The following TRPM2 variants were observed in gnomAD, a reference collection of about 807,000 sequenced individuals.
TRPM2 encodes transient receptor potential cation channel subfamily M member 2, also known as estrogen-responsive element-associated gene 1 protein.
Under a neutral mutation model 174.0 loss-of-function variants are expected in TRPM2, and 161 were observed. The observed-to-expected ratio is 0.93, with a 90% confidence interval of 0.81 to 1.05. The LOEUF (loss-of-function observed/expected upper bound fraction) is 1.05, where lower values mean the gene tolerates loss of function less well. Among genes scored for constraint, TRPM2 ranks in the 50% least tolerant of loss-of-function variants. The probability of loss-of-function intolerance (pLI) is 0.00; values close to 1 mark genes in which losing one functional copy is unlikely to be tolerated. For synonymous variants in TRPM2, 954 were observed against 861.3 expected (o/e 1.11, Z -1.88); for missense variants, 2,057 against 2,038.0 (o/e 1.01, Z -0.18).
At chr21:44,397,985 C>T (rs1217232467) in intron 13 of TRPM2, 109 bp downstream of exon 13, 14 of 1,312,654 alleles carry the variant, frequency 1.1e-5, no homozygotes, top group South Asian at 9.7e-5. Flanking sequence ...CTGGGGTCCT[C>T]GTCCCTGGGC....
rs2050199443 is a variant in TRPM2 at position 44,414,177 on chromosome 21, T to C, written c.3146+103T>C. 2.1e-6 allele frequency: 3 copies of C among 1,431,044 alleles called. No homozygotes were observed. In the East Asian group the frequency reaches 6.9e-5, roughly 33 times the overall value. The allele number at this position is 1,431,044 out of a possible 1,614,324, so 88.6% of individuals were successfully genotyped here. ...AGGGTCTCGTGGACAGTGTGGATGA[T>C]GGGCTGGTGCACAGAGGCGCGTCAC... is the stretch of plus-strand genomic sequence containing the variant. On this transcript the variant is annotated intron_variant, in intron 20 of 31. Coordinates refer to ENST00000397928, the MANE Select transcript of TRPM2 (RefSeq NM_003307.4).
At chr21:44,353,394 T>C (rs1012081262), upstream of TRPM2, 1 of 246,162 alleles carries the variant, frequency 4.1e-6, no homozygotes, top group Non-Finnish European at 7.8e-6. Context: ...CCTGAGGTTG[T>C]TACCATTATG....
rs543684379 is a variant in TRPM2, at chr21:44,439,577, A to G, written c.4269+409A>G. Among the ~76,000 whole-genome samples the G allele has an allele frequency of 1.3e-5, 2 of 152,120 alleles. No homozygotes were observed. The highest frequency in any genetic ancestry group is 4.8e-5 in the African/African-American group (2 of 41,516). On this transcript the variant is annotated intron_variant, in intron 30 of 31. Coordinates refer to ENST00000397928, the MANE Select transcript of TRPM2 (RefSeq NM_003307.4). The surrounding 1 kb of genome is among the most constrained non-coding windows in gnomAD (Gnocchi z 5.1). ...CCCTCAGACCTCGCCCCGACTCCCA[A>G]GCTCTGGAGGGGCCCTTCCCACATG...
intron 9 of TRPM2, among the ~76,000 whole-genome samples, chr21:44,384,188 C>T (rs2048958608): frequency 6.6e-6 from 1 of 152,178 alleles, no homozygotes; most frequent in South Asian, 2.1e-4. Flanking sequence ...CCTGACTCTA[C>T]AGAAGTAAAA....
intron 22 of TRPM2, among the ~76,000 whole-genome samples, chr21:44,421,978 C>T (rs566991979): frequency 1.2e-4 from 19 of 152,328 alleles, no homozygotes; most frequent in African/African-American, 4.6e-4. Context: ...CGTGTTTCCG[C>T]TGGGCCGCTG....
rs2048696909 is a variant in TRPM2, at chr21:44,376,287, T to G, written c.952+274T>G. Among the ~76,000 whole-genome samples the G allele has an allele frequency of 6.6e-6, 1 of 152,216 alleles. No homozygotes were observed. The highest frequency in any genetic ancestry group is 2.1e-4 in the South Asian group (1 of 4,836). ...TCCTCAGAACACACCTGGGTTTCTT[T>G]CCCGTGTCTCTTTATACTTTGTTCC... is the stretch of plus-strand genomic sequence containing the variant. On this transcript the variant is annotated intron_variant, in intron 6 of 31. Transcript: ENST00000397928. The surrounding 1 kb of genome is among the most constrained non-coding windows in gnomAD (Gnocchi z 4.2).
intron 27 of TRPM2, among the ~76,000 whole-genome samples, chr21:44,434,739 C>T (rs897414755): frequency 6.6e-6 from 1 of 152,106 alleles, no homozygotes; most frequent in Non-Finnish European, 1.5e-5. Flanking sequence ...CACACTGCCC[C>T]TCGGAAGGCT....
chr21:44,382,379 A>G (rs2048908164), intron 8 of TRPM2, among the ~76,000 whole-genome samples: 2 of 152,354 alleles, frequency 1.3e-5, no homozygotes, highest in South Asian at 4.1e-4. Flanking sequence ...AAGTAGACAG[A>G]TAGATAGGCA....
At position 44,354,412 on chromosome 21, in the gene TRPM2, G is replaced by A. The variant is rs1175954107; in HGVS notation, c.166-236G>A. Among the ~76,000 whole-genome samples, 2 of 152,178 alleles carry A rather than the reference G, an allele frequency of 1.3e-5. No homozygotes were observed. The highest frequency in any genetic ancestry group is 2.1e-4 in the South Asian group (1 of 4,832). On this transcript the variant is annotated intron_variant, in intron 1 of 31. Transcript: ENST00000397928. The surrounding 1 kb of genome is among the most constrained non-coding windows in gnomAD (Gnocchi z 4.3). ...TGGTGCTGTAGAAACTGTAAAGTGC[G>A]CGCACATTCAAAATGGTCCCAAGAG...
intron 2 of TRPM2, among the ~76,000 whole-genome samples, chr21:44,357,484 A>G (rs2048091440): frequency 6.6e-6 from 1 of 152,214 alleles, no homozygotes. Context: ...CAAGGGAGAA[A>G]GACACAGGCC....
At chr21:44,381,993 G>C (rs1176254390) in intron 8 of TRPM2, among the ~76,000 whole-genome samples, 1 of 147,560 alleles carries the variant, frequency 6.8e-6, no homozygotes, top group African/African-American at 2.5e-5. Context: ...TAGATAGATA[G>C]ATGGATGATA....
chr21:44,381,939 AT>A (rs2048889460), intron 8 of TRPM2, among the ~76,000 whole-genome samples: 1 of 137,144 alleles, frequency 7.3e-6, no homozygotes. Flanking sequence ...ATGAATTGAT[AT>A]GATAGATAGA....
At chr21:44,353,993 A>G in intron 1 of TRPM2, 128 bp downstream of exon 1, 1 of 1,154,334 alleles carries the variant, frequency 8.7e-7, no homozygotes, top group Non-Finnish European at 1.2e-6. Context: ...CTCCTGCCCA[A>G]CCATACCTTT....
chr21:44,397,134 G>A (rs2146266353), intron 12 of TRPM2, among the ~76,000 whole-genome samples: 1 of 151,748 alleles, frequency 6.6e-6, no homozygotes, highest in South Asian at 2.1e-4. Context: ...TGCCTACCGT[G>A]TTCAAGCGAT....
chr21:44,379,499 T>G (rs1602170913), intron 8 of TRPM2, among the ~76,000 whole-genome samples: 1 of 151,534 alleles, frequency 6.6e-6, no homozygotes, highest in Non-Finnish European at 1.5e-5. Context: ...ATTGGAGGGG[T>G]GGGAGGCAGG....
intron 16 of TRPM2, among the ~76,000 whole-genome samples, chr21:44,404,005 C>T (rs191985083): frequency 1.1e-3 from 169 of 151,118 alleles, no homozygotes; most frequent in African/African-American, 4.0e-3. Flanking sequence ...TACACATACA[C>T]ACATGCACAT....
At chr21:44,433,617 G>T (rs924888769) in intron 27 of TRPM2, among the ~76,000 whole-genome samples, 1 of 152,222 alleles carries the variant, frequency 6.6e-6, no homozygotes, top group Non-Finnish European at 1.5e-5. Flanking sequence ...TTCGAGCTGA[G>T]GTCCCCAAGC....
At chr21:44,425,854 GC>G in intron 25 of TRPM2, 27 bp downstream of exon 25, 1 of 1,531,092 alleles carries the variant, frequency 6.5e-7, no homozygotes, top group Non-Finnish European at 8.8e-7. Context: ...GCCCAACCAG[GC>G]GGAGTGGCCG....
In TRPM2 at chr21:44,353,637, G is replaced by A. The variant is rs1044921567; in HGVS notation, c.-64G>A. ...TGTGTCTCTAGAACCCCAGTGTAGCGAGCTGGAGAGAGGACTGTCCTGAGG... is the reference window on the plus strand; with the variant it reads ...TGTGTCTCTAGAACCCCAGTGTAGCAAGCTGGAGAGAGGACTGTCCTGAGG... On this transcript the variant is annotated 5_prime_UTR_variant, in exon 1 of 32. Transcript: ENST00000397928. 4.7e-5 allele frequency: 65 copies of A among 1,396,290 alleles called. No individual in the cohort carries two copies. Among genetic ancestry groups the A allele is most frequent in the Non-Finnish European group, 5.9e-5 (63 of 1,075,418 alleles). 86.5% of individuals were successfully genotyped at this position (1,396,290 alleles called of 1,614,324 possible).
Sources: gnomAD v4.1 joint callset for allele counts (sites outside exome capture counted in the v4.1 genomes callset) on GRCh38, gnomAD v4.1.1 for gene constraint, Gnocchi (gnomAD v3.1) non-coding constraint, MANE v1.5 for transcripts, NCBI Gene and HGNC (gene_info 2026-07-23, HGNC 2026-07-21) for gene names.